GRHPR: variants seen among roughly 807,000 people sequenced by gnomAD.
The protein encoded by GRHPR is glyoxylate and hydroxypyruvate reductase.
A neutral mutation model predicts 36.8 loss-of-function variants in GRHPR; 35 were observed. The ratio of observed to expected loss-of-function variants is 0.95; its 90% CI spans 0.73 to 1.26. The LOEUF is 1.26. Ranked by LOEUF, GRHPR falls within the 50% of genes most tolerant of loss-of-function variation. The probability of loss-of-function intolerance (pLI) is 0.00; values close to 1 mark genes in which losing one functional copy is unlikely to be tolerated. For synonymous variants in GRHPR, 179 were observed against 181.0 expected (o/e 0.99, Z 0.09); for missense variants, 380 against 435.0 (o/e 0.87, Z 1.12).
Position 37,431,965 on chromosome 9 carries a change from G to A in GRHPR, c.735-43G>A, listed in dbSNP as rs567496921. 1.5e-4 allele frequency: 243 copies of A among 1,611,206 alleles called. 2 individuals carry two copies. In the East Asian group the frequency reaches 2.9e-3, roughly 20 times the overall value. Reference sequence around the variant, plus strand: ...GTTCTGCCTCAAAGGTGGCCTGGGCGGAGGGATCTTCGGGGTACCCATGTC... The same window carrying A: ...GTTCTGCCTCAAAGGTGGCCTGGGCAGAGGGATCTTCGGGGTACCCATGTC... On this transcript the variant is annotated intron_variant, in intron 7 of 8. Coordinates refer to ENST00000318158, the MANE Select transcript of GRHPR (RefSeq NM_012203.2).
rs138730716 is a variant in GRHPR at position 37,433,296 on chromosome 9, C to T, written c.865+1158C>T. On this transcript the variant is annotated intron_variant, in intron 8 of 8. Coordinates refer to ENST00000318158, the MANE Select transcript of GRHPR (RefSeq NM_012203.2). ...TCGCCCAGGCTGGAGTGCAGTGGTG[C>T]AATCTGAACTCACTGCAACCCCTGC... Among the ~76,000 whole-genome samples the T allele has an allele frequency of 4.2e-4, 60 of 142,880 alleles. No homozygotes were observed. In the South Asian group the frequency reaches 6.6e-3, roughly 16 times the overall value. 93.7% of individuals were successfully genotyped at this position (142,880 alleles called of 152,430 possible). A position where few individuals can be genotyped will look rare whatever the true frequency, so the allele number is the denominator to read the frequency against.
intron 1 of GRHPR, among the ~76,000 whole-genome samples, chr9:37,424,142 CAGG>C (rs1822967264): frequency 6.6e-6 from 1 of 152,212 alleles, no homozygotes; most frequent in African/African-American, 2.4e-5. Flanking sequence ...TTGTACTGAG[CAGG>C]AGAAGGTGGA....
rs944221793 is a variant in GRHPR at position 37,422,895 on chromosome 9, C to T, written c.83+62C>T. On this transcript the variant is annotated intron_variant, in intron 1 of 8. Coordinates refer to ENST00000318158, the MANE Select transcript of GRHPR (RefSeq NM_012203.2). ...CGGTCCCAGGGACCGGAGAGCCGGG[C>T]GGGGCGTTTGGGCCTTGTGGCCGGC... 7.1e-6 allele frequency: 9 copies of T among 1,276,008 alleles called. No individual in the cohort carries two copies. The African/African-American group carries it at 1.3e-4, about 19-fold the overall frequency. 79.0% of individuals were successfully genotyped at this position (1,276,008 alleles called of 1,614,324 possible). A position where few individuals can be genotyped will look rare whatever the true frequency, so the allele number is the denominator to read the frequency against.
At chr9:37,437,771 C>A (rs1442102438), downstream of GRHPR, among the ~76,000 whole-genome samples, 2 of 151,736 alleles carry the variant, frequency 1.3e-5, no homozygotes, top group African/African-American at 4.8e-5. Context: ...TTGCTCTGTG[C>A]TCAAGGAATC....
intron 3 of GRHPR, 186 bp from the exon 4 acceptor site, chr9:37,426,352 C>A: frequency 1.5e-6 from 1 of 669,678 alleles, no homozygotes; most frequent in Non-Finnish European, 2.7e-6. Flanking sequence ...TCTTCATATC[C>A]TTCCAAAGTG....
At chr9:37,428,318 C>A in intron 4 of GRHPR, 166 bp from the exon 5 acceptor site, 171 of 514,984 alleles carry the variant, frequency 3.3e-4, no homozygotes, top group Non-Finnish European at 4.4e-4. Flanking sequence ...GGAGTCGTTT[C>A]TGCTGCTCAT....
chr9:37,436,560 T>C (rs1823660651), intron 8 of GRHPR, 101 bp from the exon 9 acceptor site: 1 of 1,301,194 alleles, frequency 7.7e-7, no homozygotes, highest in African/African-American at 1.4e-5. Context: ...GTAGTCTCTC[T>C]TTATTCTTCT....
chr9:37,428,270 C>T (rs1452621186), intron 4 of GRHPR: 5 of 604,064 alleles, frequency 8.3e-6, no homozygotes. Flanking sequence ...AGGCCCCTTC[C>T]CGCCCTCAAG....
intron 1 of GRHPR, 149 bp from the exon 2 acceptor site, chr9:37,424,696 C>G: frequency 4.6e-6 from 4 of 875,940 alleles, no homozygotes; most frequent in Non-Finnish European, 7.0e-6. Flanking sequence ...CGGGACAGTT[C>G]TGAGACCACC....
At chr9:37,433,945 C>G (rs1823503851) in intron 8 of GRHPR, 1 of 397,496 alleles carries the variant, frequency 2.5e-6, no homozygotes, top group African/African-American at 2.1e-5. Flanking sequence ...CCCTTGGAAA[C>G]TCTCCCGTCC....
At chr9:37,424,776 TC>T (rs1822994919) in intron 1 of GRHPR, 68 bp from the exon 2 acceptor site, 6 of 1,578,226 alleles carry the variant, frequency 3.8e-6, no homozygotes, top group Non-Finnish European at 5.2e-6. Context: ...AGGCCAGGAT[TC>T]CCAGCTGGGA....
At chr9:37,438,298 T>C (rs1304963702), downstream of GRHPR, 1 of 152,600 alleles carries the variant, frequency 6.6e-6, no homozygotes, top group Non-Finnish European at 1.5e-5. Flanking sequence ...AAACCAGTTA[T>C]AATCCAGGTA....
At chr9:37,429,361 A>G in intron 5 of GRHPR, 1 of 333,272 alleles carries the variant, frequency 3.0e-6, no homozygotes, top group South Asian at 2.7e-5. Flanking sequence ...ACAGAAGCAG[A>G]GGGTCCAGGA....
intron 1 of GRHPR, among the ~76,000 whole-genome samples, chr9:37,424,096 T>A (rs1039067475): frequency 6.6e-6 from 1 of 152,230 alleles, no homozygotes; most frequent in Non-Finnish European, 1.5e-5. Flanking sequence ...TTTCAAATTT[T>A]GTTCACTGCA....
At chr9:37,428,352 T>C in intron 4 of GRHPR, 132 bp from the exon 5 acceptor site, 1 of 652,640 alleles carries the variant, frequency 1.5e-6, no homozygotes. Flanking sequence ...TGGCAGTGCC[T>C]CATCCCACTC....
chr9:37,435,161 G>A (rs984627046), intron 8 of GRHPR, among the ~76,000 whole-genome samples: 1 of 152,188 alleles, frequency 6.6e-6, no homozygotes. Context: ...TGAAGTGGGA[G>A]GATCACTTGA....
chr9:37,428,252 A>T, intron 4 of GRHPR: 2 of 593,012 alleles, frequency 3.4e-6, no homozygotes, highest in Non-Finnish European at 6.0e-6. Flanking sequence ...ACAGGATGAG[A>T]GCCAGTAAGG....
intron 7 of GRHPR, 150 bp from the exon 8 acceptor site, chr9:37,431,858 T>TA: frequency 1.3e-6 from 1 of 779,914 alleles, no homozygotes. Flanking sequence ...ATATAAGACT[T>TA]ACAGACATAC....
At position 37,426,664 on chromosome 9, in the gene GRHPR, C is replaced by T. The variant is rs763534765; in HGVS notation, c.404+10C>T. Reference sequence around the variant, plus strand: ...TCGAGGAAGTGAAGAAGTAAGTGAACGCAGACCAGGTGCGGTGGCTCACGG... The same window carrying T: ...TCGAGGAAGTGAAGAAGTAAGTGAATGCAGACCAGGTGCGGTGGCTCACGG... On this transcript the variant is annotated intron_variant, in intron 4 of 8. Transcript: ENST00000318158. The T allele has an allele frequency of 1.1e-5, 16 of 1,510,316 alleles. No individual in the cohort carries two copies. The highest frequency in any genetic ancestry group is 4.1e-5 in the African/African-American group (3 of 72,988). 93.6% of individuals were successfully genotyped at this position (1,510,316 alleles called of 1,614,324 possible).
Sources: allele counts gnomAD v4.1 joint callset (sites outside exome capture counted in the v4.1 genomes callset), GRCh38; gene constraint gnomAD v4.1.1; transcripts MANE v1.5; gene names NCBI Gene and HGNC (gene_info 2026-07-23, HGNC 2026-07-21).